The following ZNF605 variants were observed in gnomAD, a reference collection of about 807,000 sequenced individuals.
ZNF605 encodes zinc finger protein 605.
In ZNF605, 9 loss-of-function variants were observed where a neutral mutation model predicts 7.9. The ratio of observed to expected loss-of-function variants is 1.14; its 90% CI spans 0.68 to 1.98. The LOEUF is 1.98. Ranked by LOEUF, ZNF605 falls within the 30% of genes most tolerant of loss-of-function variation. The pLI is 0.00. For missense variants in ZNF605, 673 were observed against 762.4 expected, an observed-to-expected ratio of 0.88 and a Z score of 1.38; for synonymous variants, 255 against 260.1, an observed-to-expected ratio of 0.98 and a Z score of 0.19.
chr12:132,935,393 T>C, intron 3 of ZNF605, among the ~76,000 whole-genome samples: 1 of 152,054 alleles, frequency 6.6e-6, no homozygotes, highest in Non-Finnish European at 1.5e-5. Context: ...TTTATATGGG[T>C]GTGTGGGCTC....
intron 4 of ZNF605, among the ~76,000 whole-genome samples, chr12:132,928,279 C>T (rs1338164736): frequency 1.3e-5 from 2 of 152,034 alleles, no homozygotes; most frequent in East Asian, 3.9e-4. Context: ...AGATAAGAAA[C>T]ATTTTTTTGT....
At position 132,953,509 on chromosome 12, in the gene ZNF605, C is replaced by T. The variant is rs1318480665; in HGVS notation, c.-286+2734G>A. Among the ~76,000 whole-genome samples, 3 of 152,298 alleles carry T rather than the reference C, an allele frequency of 2.0e-5. No individual in the cohort carries two copies. In the East Asian group the frequency reaches 5.8e-4, roughly 29 times the overall value. ...TGGCAAAATCTCGGTTCACTGCAAC[C>T]TCTGCCTCCTGGGTTCAAGCAATTC... On this transcript the variant is annotated intron_variant, in intron 1 of 4. Coordinates refer to ENST00000360187, the MANE Select transcript of ZNF605 (RefSeq NM_183238.4).
chr12:132,925,990 G>A lies in ZNF605; in HGVS notation c.1309C>T (p.Leu437=), dbSNP rs1377578452. The change falls in exon 5 of 5, where the codon CTA becomes TTA. Residue 437 remains leucine (L), a synonymous_variant. Transcript: ENST00000360187. ...CCAGTGTGTGTTCTGTGATGCGTTA[G>A]GAGCTGGGACTTCCCAAAGAAGGTT... ...GKTFFGKSQL[L]THHRTHTGEK... The A allele has an allele frequency of 3.8e-5, 62 of 1,613,980 alleles. No homozygotes were observed. Among genetic ancestry groups the A allele is most frequent in the Non-Finnish European group, 5.0e-5 (59 of 1,179,984 alleles).
At chr12:132,934,819 G>A (rs1232743081) in intron 3 of ZNF605, among the ~76,000 whole-genome samples, 3 of 151,878 alleles carry the variant, frequency 2.0e-5, no homozygotes, top group African/African-American at 4.8e-5. Flanking sequence ...TAAGGTTACA[G>A]GGCTATGAAG....
Position 132,919,224 on chromosome 12 carries a change from ACTTG to A in ZNF605, c.*6145_*6148del, listed in dbSNP as rs1952182223. On this transcript the variant is annotated 3_prime_UTR_variant, in exon 5 of 5. Transcript: ENST00000360187. ...AGTACTTTTAGTGATAGGAATGCTT[ACTTG>A]CTTTATTAATTATTTTTGTGGAGAA... is the stretch of plus-strand genomic sequence containing the variant. 6.6e-6 allele frequency: 1 copy of A among 151,918 alleles called. No homozygotes were observed. The highest frequency in any genetic ancestry group is 1.5e-5 in the Non-Finnish European group (1 of 67,988). 9.4% of individuals were successfully genotyped at this position (151,918 alleles called of 1,614,324 possible). A position where few individuals can be genotyped will look rare whatever the true frequency, so the allele number is the denominator to read the frequency against.
intron 3 of ZNF605, among the ~76,000 whole-genome samples, chr12:132,935,426 G>A (rs966998080): frequency 7.8e-4 from 118 of 152,246 alleles, no homozygotes; most frequent in African/African-American, 2.7e-3. Context: ...GATGTGTTTT[G>A]CAAAAACCTT....
In ZNF605 at chr12:132,933,286, T is replaced by G; in HGVS notation, c.16-131A>C. 11 of 1,013,184 alleles carry G rather than the reference T, an allele frequency of 1.1e-5. No homozygotes were observed. The South Asian group carries it at 1.9e-4, about 18-fold the overall frequency. 62.8% of individuals were successfully genotyped at this position (1,013,184 alleles called of 1,614,324 possible). The stretch of plus-strand genomic sequence containing the variant: ...CCTCTGACTCCGGTATTCATGCTTT[T>G]GCATAATCCTCCCCTCTTGACCGTG... On this transcript the variant is annotated intron_variant, in intron 3 of 4. Transcript: ENST00000360187. This position sits in a 1 kb window ranked among gnomAD's most constrained non-coding sequence, Gnocchi z 4.4.
chr12:132,933,253 C>CA lies in ZNF605; in HGVS notation c.16-99_16-98insT. The CA allele has an allele frequency of 7.2e-7, 1 of 1,380,586 alleles. No homozygotes were observed. The highest frequency in any genetic ancestry group is 9.8e-7 in the Non-Finnish European group (1 of 1,024,374). The allele number at this position is 1,380,586 out of a possible 1,614,324, so 85.5% of individuals were successfully genotyped here. On this transcript the variant is annotated intron_variant, in intron 3 of 4. Coordinates refer to ENST00000360187, the MANE Select transcript of ZNF605 (RefSeq NM_183238.4). This position sits in a 1 kb window ranked among gnomAD's most constrained non-coding sequence, Gnocchi z 4.4. ...TGTGGTAGGTGGCCTCTAAGATGGC[C>CA]CCAGTGACCTCTGACTCCGGTATTC...
chr12:132,945,093 T>G, intron 3 of ZNF605: 1 of 330,260 alleles, frequency 3.0e-6, no homozygotes, highest in South Asian at 3.0e-5. Context: ...GTTCAAGTGA[T>G]TCTCATGCCT....
At chr12:132,942,555 G>A (rs7967101) in intron 3 of ZNF605, among the ~76,000 whole-genome samples, 38,595 of 152,206 alleles carry the variant, frequency 0.25, 5,248 homozygotes, top group African/African-American at 0.36. Flanking sequence ...AGACTGGACA[G>A]AGGCCCGACG....
At chr12:132,930,423 C>G (rs1197786625) in intron 4 of ZNF605, among the ~76,000 whole-genome samples, 1 of 152,148 alleles carries the variant, frequency 6.6e-6, no homozygotes, top group Non-Finnish European at 1.5e-5. Context: ...TCCTCTTACT[C>G]GTGTCTCTCC....
intron 1 of ZNF605, among the ~76,000 whole-genome samples, chr12:132,951,267 A>G (rs1952562135): frequency 6.6e-6 from 1 of 151,822 alleles, no homozygotes; most frequent in South Asian, 2.1e-4. Flanking sequence ...GCACATGTAC[A>G]TCACACACAG....
intron 3 of ZNF605, among the ~76,000 whole-genome samples, chr12:132,937,536 C>A (rs1332749707): frequency 6.6e-6 from 1 of 151,938 alleles, no homozygotes; most frequent in African/African-American, 2.4e-5. Flanking sequence ...CACACACACA[C>A]CCCTGACAAA....
rs964976528 is a variant in ZNF605 at position 132,924,579 on chromosome 12, G to C, written c.*794C>G. 6.6e-6 allele frequency: 1 copy of C among 152,260 alleles called. No individual in the cohort carries two copies. The highest frequency in any genetic ancestry group is 1.5e-5 in the Non-Finnish European group (1 of 68,102). The allele number at this position is 152,260 out of a possible 1,614,324, so 9.4% of individuals were successfully genotyped here. ...CTGCCAGTCCTGTCTCTTCAATTCA[G>C]CGAGATTTATTGTTTCCCTTCCCTG... On this transcript the variant is annotated 3_prime_UTR_variant, in exon 5 of 5. Coordinates refer to ENST00000360187, the MANE Select transcript of ZNF605 (RefSeq NM_183238.4).
At chr12:132,934,890 G>C (rs1043862598) in intron 3 of ZNF605, among the ~76,000 whole-genome samples, 27 of 152,232 alleles carry the variant, frequency 1.8e-4, no homozygotes, top group African/African-American at 5.5e-4. Context: ...AACAACACTG[G>C]GTTAGGTGCT....
chr12:132,943,600 G>C (rs1952468210), intron 3 of ZNF605, among the ~76,000 whole-genome samples: 2 of 152,140 alleles, frequency 1.3e-5, no homozygotes, highest in Non-Finnish European at 2.9e-5. Context: ...GCTAATGCAA[G>C]ACCTCCTCGT....
chr12:132,937,971 C>CATTT (rs111591189), intron 3 of ZNF605, among the ~76,000 whole-genome samples: 5 of 151,910 alleles, frequency 3.3e-5, no homozygotes, highest in African/African-American at 4.8e-5. Flanking sequence ...TATGTGATCC[C>CATTT]ATTTATTTAT....
At position 132,924,331 on chromosome 12, in the gene ZNF605, C is replaced by T. The variant is rs1214973693; in HGVS notation, c.*1042G>A. On this transcript the variant is annotated 3_prime_UTR_variant, in exon 5 of 5. Transcript: ENST00000360187. Reference sequence around the variant, plus strand: ...GCTCCATGTGTTTCCACTCTGTTTCCACTCTGGCTGCTGAGAACATAAACT... The same window carrying T: ...GCTCCATGTGTTTCCACTCTGTTTCTACTCTGGCTGCTGAGAACATAAACT... 1.3e-5 allele frequency: 2 copies of T among 152,232 alleles called. No individual in the cohort carries two copies. The highest frequency in any genetic ancestry group is 2.9e-5 in the Non-Finnish European group (2 of 68,052). The allele number at this position is 152,232 out of a possible 1,614,324, so 9.4% of individuals were successfully genotyped here. A position where few individuals can be genotyped will look rare whatever the true frequency, so the allele number is the denominator to read the frequency against.
In ZNF605 at chr12:132,938,959, G is replaced by A. The variant is rs540145426; in HGVS notation, c.16-5804C>T. On this transcript the variant is annotated intron_variant, in intron 3 of 4. Coordinates refer to ENST00000360187, the MANE Select transcript of ZNF605 (RefSeq NM_183238.4). Reference sequence around the variant, plus strand: ...GTGCTGGCCCACCGGCGCTGCGCTCGATTTCTCACCGAGCCTTAGCTGCCT... The same window carrying A: ...GTGCTGGCCCACCGGCGCTGCGCTCAATTTCTCACCGAGCCTTAGCTGCCT... 5.2e-3 allele frequency among the ~76,000 whole-genome samples: 798 copies of A among 152,028 alleles called. 10 individuals carry two copies. Among genetic ancestry groups the A allele is most frequent in the African/African-American group, 0.018 (768 of 41,556 alleles).
Sources: allele counts gnomAD v4.1 joint callset (sites outside exome capture counted in the v4.1 genomes callset), GRCh38; gene constraint gnomAD v4.1.1; non-coding constraint Gnocchi (gnomAD v3.1); transcripts MANE v1.5; gene names NCBI Gene and HGNC (gene_info 2026-07-23, HGNC 2026-07-21).